Variants in NFATC3 observed in about 807,000 individuals in gnomAD.
NFATC3 encodes nuclear factor of activated T cells 3.
Under a neutral mutation model 98.6 loss-of-function variants are expected in NFATC3, and 46 were observed. The observed-to-expected ratio is 0.47, with a 90% CI of 0.37 to 0.60. The LOEUF (loss-of-function observed/expected upper bound fraction) is 0.60, where lower values mean the gene tolerates loss of function less well. Among genes scored for constraint, NFATC3 ranks in the 20% least tolerant of loss-of-function variants. The pLI is 0.00. For synonymous variants in NFATC3, 512 were observed against 472.2 expected (o/e 1.08, Z -1.09); for missense variants, 1,256 against 1,295.5 (o/e 0.97, Z 0.47).
chr16:68,191,529 T>C lies in NFATC3; in HGVS notation c.2860T>C (p.Ser954Pro), dbSNP rs1361156126. 6.2e-7 allele frequency: 1 copy of C among 1,614,062 alleles called. No homozygotes were observed. The highest frequency in any genetic ancestry group is 1.1e-5 in the South Asian group (1 of 91,068). Reference protein sequence around the residue: ...SPQLQPMPYQSPSSGTASSPS... With the variant: ...SPQLQPMPYQPPSSGTASSPS... ...TCAGCTTCAGCCTATGCCTTACCAA[T>C]CTCCTAGCTCAGGAACTGCCTCATC... Residue 954 changes from serine (S) to proline (P), a missense_variant, in exon 9 of 10, where the codon TCT becomes CCT. Physicochemically the swap from Ser to Pro is moderately conservative, Grantham distance 74. Transcript: ENST00000346183.
At position 68,112,338 on chromosome 16, in the gene NFATC3, C is replaced by T. The variant is rs373633237; in HGVS notation, c.104-9649C>T. Among the ~76,000 whole-genome samples, 233 of 120,686 alleles carry T rather than the reference C, an allele frequency of 1.9e-3. 3 individuals carry two copies. Among genetic ancestry groups the T allele is most frequent in the African/African-American group, 6.6e-3 (205 of 31,096 alleles). 79.2% of individuals were successfully genotyped at this position (120,686 alleles called of 152,430 possible). A position where few individuals can be genotyped will look rare whatever the true frequency, so the allele number is the denominator to read the frequency against. On this transcript the variant is annotated intron_variant, in intron 1 of 9. Coordinates refer to ENST00000346183, the MANE Select transcript of NFATC3 (RefSeq NM_173165.3). ...TGTTGCCCAGGCTGGAGTGCAGTGG[C>T]GTGATCTTGGCTTACTGCAACCTCC...
chr16:68,188,797 C>G (rs2040320985), intron 8 of NFATC3, among the ~76,000 whole-genome samples: 1 of 152,194 alleles, frequency 6.6e-6, no homozygotes, highest in African/African-American at 2.4e-5. Context: ...CAACCTCTGC[C>G]TCCCGGGTTC....
At chr16:68,210,575 A>G (rs932441912) in intron 9 of NFATC3, among the ~76,000 whole-genome samples, 3 of 152,148 alleles carry the variant, frequency 2.0e-5, no homozygotes, top group African/African-American at 2.4e-5. Context: ...CATGTTGCCC[A>G]TGCCAGTCAG....
rs2230094 is a variant in NFATC3 at position 68,122,290 on chromosome 16, C to T, written c.407C>T (p.Pro136Leu). 690 of 1,614,102 alleles carry T rather than the reference C, an allele frequency of 4.3e-4. 4 individuals carry two copies. In the African/African-American group the frequency reaches 8.5e-3, roughly 20 times the overall value. ...AHEDDLQIND[P>L]EREFLERPSR... ...GAAGATGACCTACAGATAAATGACC[C>T]AGAACGGGAATTTTTGGAAAGGCCT... Residue 136 changes from proline (P) to leucine (L), a missense_variant, in exon 2 of 10, where the codon CCA becomes CTA. Coordinates refer to ENST00000346183, the MANE Select transcript of NFATC3 (RefSeq NM_173165.3).
In NFATC3 at chr16:68,158,066, C is replaced by T. The variant is rs773530135; in HGVS notation, c.1599C>T (p.Ala533=). ...TTCTTCCTGAAAATAATATGTCAGC[C>T]AGGTATTTTGAAATATACCTAAAAT... ...IPLLPENNMS[A]SIDCAGILKL... is the part of the protein sequence containing the mutation. Residue 533 remains alanine, a splice_region_variant and synonymous_variant, in exon 4 of 10, where the codon GCC becomes GCT. Transcript: ENST00000346183. 1.2e-6 allele frequency: 2 copies of T among 1,607,822 alleles called. No homozygotes were observed. Among genetic ancestry groups the T allele is most frequent in the Non-Finnish European group, 1.7e-6 (2 of 1,176,072 alleles).
chr16:68,157,091 C>A (rs1486282141), intron 3 of NFATC3, among the ~76,000 whole-genome samples: 1 of 151,928 alleles, frequency 6.6e-6, no homozygotes, highest in Non-Finnish European at 1.5e-5. Context: ...TGCCTGCTTT[C>A]ACTACTGCGA....
At chr16:68,123,146 G>T in intron 2 of NFATC3, 25 bp downstream of exon 2, 2 of 1,572,032 alleles carry the variant, frequency 1.3e-6, no homozygotes, top group Non-Finnish European at 1.7e-6. Flanking sequence ...ATGGCTGCTG[G>T]TCATTTTTCA....
intron 9 of NFATC3, chr16:68,225,798 T>C (rs1167200961): frequency 6.6e-6 from 1 of 152,250 alleles, no homozygotes; most frequent in East Asian, 1.9e-4. Flanking sequence ...TTCTTTGCTC[T>C]GGACCTCACA....
At chr16:68,103,124 A>G (rs2035460526) in intron 1 of NFATC3, among the ~76,000 whole-genome samples, 1 of 150,912 alleles carries the variant, frequency 6.6e-6, no homozygotes, top group South Asian at 2.1e-4. Flanking sequence ...CAGATCTAAG[A>G]TTTACAGATA....
intron 9 of NFATC3, among the ~76,000 whole-genome samples, chr16:68,214,958 G>A (rs1166626213): frequency 6.6e-6 from 1 of 152,146 alleles, no homozygotes; most frequent in Non-Finnish European, 1.5e-5. Context: ...TCTGTGTCTA[G>A]GCTTAGGCTT....
At chr16:68,210,484 G>T (rs927342060) in intron 9 of NFATC3, among the ~76,000 whole-genome samples, 2 of 151,790 alleles carry the variant, frequency 1.3e-5, no homozygotes, top group Admixed American at 6.6e-5. Context: ...AAAAATAAAA[G>T]AATTTTTACA....
intron 8 of NFATC3, 81 bp from the exon 9 acceptor site, chr16:68,190,687 T>G: frequency 7.0e-7 from 1 of 1,426,188 alleles, no homozygotes; most frequent in Non-Finnish European, 9.4e-7. Context: ...TACGCTGTAG[T>G]TGTGTAACCT....
At chr16:68,124,354 C>G (rs2151505867) in intron 2 of NFATC3, among the ~76,000 whole-genome samples, 1 of 151,846 alleles carries the variant, frequency 6.6e-6, no homozygotes, top group Middle Eastern at 3.5e-3. Context: ...CTCAAGTGAT[C>G]CTCCTGCCTC....
At chr16:68,138,938 C>T (rs773719355) in intron 3 of NFATC3, among the ~76,000 whole-genome samples, 1 of 152,150 alleles carries the variant, frequency 6.6e-6, no homozygotes, top group Non-Finnish European at 1.5e-5. Flanking sequence ...TCTTTCTAGA[C>T]CTTTTATTTA....
At chr16:68,089,838 A>G (rs1467970271) in intron 1 of NFATC3, among the ~76,000 whole-genome samples, 1 of 152,168 alleles carries the variant, frequency 6.6e-6, no homozygotes, top group Admixed American at 6.5e-5. Context: ...AGGGTTCATT[A>G]CTAAATATTG....
chr16:68,218,122 C>T (rs2041706879), intron 9 of NFATC3: 1 of 770,016 alleles, frequency 1.3e-6, no homozygotes, highest in African/African-American at 1.9e-5. Context: ...TGCAGTGGTG[C>T]ACGATCATAG....
intron 9 of NFATC3, among the ~76,000 whole-genome samples, chr16:68,197,072 C>A (rs1419798873): frequency 6.6e-6 from 1 of 151,684 alleles, no homozygotes; most frequent in Non-Finnish European, 1.5e-5. Context: ...AACCCATAGA[C>A]CTTGAACTCC....
intron 9 of NFATC3, among the ~76,000 whole-genome samples, chr16:68,198,298 A>G (rs1160826838): frequency 6.6e-6 from 1 of 151,990 alleles, no homozygotes; most frequent in Admixed American, 6.6e-5. Context: ...AGCCCAGGTG[A>G]CAGAATGAGA....
intron 3 of NFATC3, among the ~76,000 whole-genome samples, chr16:68,150,187 T>C (rs1273327518): frequency 6.6e-6 from 1 of 152,128 alleles, no homozygotes; most frequent in African/African-American, 2.4e-5. Flanking sequence ...TCTAGATCAG[T>C]GTCTCTCAGC....
Sources: gnomAD v4.1 joint callset for allele counts (sites outside exome capture counted in the v4.1 genomes callset) on GRCh38, gnomAD v4.1.1 for gene constraint, MANE v1.5 for transcripts, NCBI Gene and HGNC (gene_info 2026-07-23, HGNC 2026-07-21) for gene names.